Variants in EIF4E2 observed in about 807,000 individuals in gnomAD.
The protein encoded by EIF4E2 is eukaryotic translation initiation factor 4E type 2.
A neutral mutation model predicts 34.2 loss-of-function variants in EIF4E2; 13 were observed. The observed-to-expected ratio is 0.38, with a 90% CI of 0.25 to 0.60. The LOEUF (loss-of-function observed/expected upper bound fraction) is 0.60. EIF4E2 is among the 20% of genes least tolerant of loss of function. EIF4E2 has a pLI of 0.62. For synonymous variants in EIF4E2, 100 were observed against 106.6 expected, an observed-to-expected ratio of 0.94 and a Z score of 0.38; for missense variants, 222 against 315.1, an observed-to-expected ratio of 0.70 and a Z score of 2.24.
intron 6 of EIF4E2, among the ~76,000 whole-genome samples, chr2:232,574,527 C>T (rs1693164188): frequency 6.6e-6 from 1 of 152,182 alleles, no homozygotes; most frequent in African/African-American, 2.4e-5. Flanking sequence ...GAGCAGGCTA[C>T]GTCACCTTAT....
At chr2:232,571,936 C>G (rs146423497), downstream of EIF4E2, among the ~76,000 whole-genome samples, 1 of 152,192 alleles carries the variant, frequency 6.6e-6, no homozygotes, top group Non-Finnish European at 1.5e-5. Context: ...GGCTATGAAC[C>G]TTGCAGCCTT....
intron 3 of EIF4E2, among the ~76,000 whole-genome samples, chr2:232,562,732 A>G (rs1692766022): frequency 6.6e-6 from 1 of 152,208 alleles, no homozygotes; most frequent in Admixed American, 6.5e-5. Flanking sequence ...CTTATTCACA[A>G]TGAGCCACTA....
chr2:232,564,471 A>G (rs1692842677), intron 4 of EIF4E2, 120 bp downstream of exon 4: 3 of 559,880 alleles, frequency 5.4e-6, no homozygotes, highest in Non-Finnish European at 9.0e-6. Context: ...ATTTTATTTG[A>G]GACGGAGTGT....
At chr2:232,580,851 T>G in intron 6 of EIF4E2, 3 of 1,473,632 alleles carry the variant, frequency 2.0e-6, no homozygotes. Context: ...TGTGCTTCTG[T>G]ATAGATGATC....
rs1200091207 is a variant in EIF4E2 at position 232,579,860 on chromosome 2, GGTAAAATTTTCT to G, written c.666-1042_666-1031del. Among the ~76,000 whole-genome samples, 8 of 152,144 alleles carry G rather than the reference GGTAAAATTTTCT, an allele frequency of 5.3e-5. No individual in the cohort carries two copies. The East Asian group carries it at 1.5e-3, about 29-fold the overall frequency. On this transcript the variant is annotated intron_variant, in intron 6 of 6. Transcript: ENST00000409098. ...AGAGAAATAATGACTCCAGAATCCA[GGTAAAATTTTCT>G]GACAAATTGAAGTCCACAGCACTGG...
chr2:232,559,728 G>T (rs1271435012), intron 3 of EIF4E2, among the ~76,000 whole-genome samples: 2 of 151,290 alleles, frequency 1.3e-5, no homozygotes, highest in Non-Finnish European at 2.9e-5. Context: ...AAGATTGTTT[G>T]AGCCCAGGAG....
At chr2:232,551,309 C>T (rs1389034785) in intron 1 of EIF4E2, 4 of 471,180 alleles carry the variant, frequency 8.5e-6, no homozygotes, top group African/African-American at 8.0e-5. Flanking sequence ...CTCCCCTTCC[C>T]GTTCCCGTCT....
downstream of EIF4E2, among the ~76,000 whole-genome samples, chr2:232,572,609 C>T (rs894820474): frequency 3.9e-5 from 6 of 152,124 alleles, no homozygotes; most frequent in African/African-American, 1.2e-4. Flanking sequence ...TCAGGTGTTC[C>T]GCCTGCCTCA....
chr2:232,576,011 C>A (rs1208625383), intron 6 of EIF4E2, among the ~76,000 whole-genome samples: 2 of 152,106 alleles, frequency 1.3e-5, no homozygotes, highest in African/African-American at 4.8e-5. Flanking sequence ...CGAGACCATC[C>A]TGGCCAACAT....
At chr2:232,579,331 C>T (rs1295875137) in intron 6 of EIF4E2, among the ~76,000 whole-genome samples, 1 of 152,204 alleles carries the variant, frequency 6.6e-6, no homozygotes, top group East Asian at 1.9e-4. Context: ...TTTCAACCTT[C>T]AGCTCTTTAG....
At chr2:232,575,423 AG>A (rs1279237343) in intron 6 of EIF4E2, among the ~76,000 whole-genome samples, 3 of 152,238 alleles carry the variant, frequency 2.0e-5, no homozygotes, top group African/African-American at 7.2e-5. Context: ...TTATAAATTC[AG>A]TCTTCTGGTG....
rs1261351638 is a variant in EIF4E2 at position 232,581,890 on chromosome 2, A to T, written c.*947A>T. 6.6e-6 allele frequency: 1 copy of T among 152,248 alleles called. No homozygotes were observed. Among genetic ancestry groups the T allele is most frequent in the African/African-American group, 2.4e-5 (1 of 41,456 alleles). 9.4% of individuals were successfully genotyped at this position (152,248 alleles called of 1,614,324 possible). A position where few individuals can be genotyped will look rare whatever the true frequency, so the allele number is the denominator to read the frequency against. ...TAACACTTAATATGCAAATTCTATC[A>T]TCCTGAAACTGGGGCATCTGAGGAA... On this transcript the variant is annotated 3_prime_UTR_variant, in exon 7 of 7. Transcript: ENST00000409098. The surrounding 1 kb of genome is among the most constrained non-coding windows in gnomAD (Gnocchi z 5.2).
At chr2:232,562,846 A>C (rs377345811) in intron 3 of EIF4E2, among the ~76,000 whole-genome samples, 1 of 152,250 alleles carries the variant, frequency 6.6e-6, no homozygotes, top group African/African-American at 2.4e-5. Flanking sequence ...ACCATTTACT[A>C]TTCCGAGTCA....
chr2:232,568,126 G>A (rs1230987018), intron 6 of EIF4E2: 7 of 985,204 alleles, frequency 7.1e-6, no homozygotes, highest in East Asian at 2.3e-4. Flanking sequence ...ATGCTTTTAC[G>A]GGGCCAAGTA....
At chr2:232,571,231 G>A (rs1559321433), downstream of EIF4E2, among the ~76,000 whole-genome samples, 1 of 152,200 alleles carries the variant, frequency 6.6e-6, no homozygotes, top group Non-Finnish European at 1.5e-5. Context: ...GGCGGGTGAT[G>A]AGCTGCTGTG....
Position 232,581,983 on chromosome 2 carries a change from C to T in EIF4E2, c.*1040C>T, listed in dbSNP as rs1693370014. 6.6e-6 allele frequency: 1 copy of T among 152,260 alleles called. No homozygotes were observed. The highest frequency in any genetic ancestry group is 2.4e-5 in the African/African-American group (1 of 41,452). The allele number at this position is 152,260 out of a possible 1,614,324, so 9.4% of individuals were successfully genotyped here. On this transcript the variant is annotated 3_prime_UTR_variant, in exon 7 of 7. Transcript: ENST00000409098. The surrounding 1 kb of genome is among the most constrained non-coding windows in gnomAD (Gnocchi z 5.2). ...GTCTGCAGTGGTTGAGTCCTCATCA[C>T]CTGGTATGTGTATGAGCAAATGTGT... is the stretch of plus-strand genomic sequence containing the variant.
chr2:232,572,516 C>T (rs1419951700), downstream of EIF4E2, among the ~76,000 whole-genome samples: 2 of 152,080 alleles, frequency 1.3e-5, no homozygotes, highest in Non-Finnish European at 2.9e-5. Flanking sequence ...CAGGTGCCCG[C>T]CACCATGCTT....
chr2:232,564,185 G>C, intron 3 of EIF4E2, 62 bp from the exon 4 acceptor site: 2 of 1,092,804 alleles, frequency 1.8e-6, no homozygotes, highest in Non-Finnish European at 2.7e-6. Context: ...TCTCAACCTT[G>C]GGATGCATTC....
At chr2:232,574,354 C>T (rs1038356640) in intron 6 of EIF4E2, 65 of 1,550,270 alleles carry the variant, frequency 4.2e-5, no homozygotes, top group Non-Finnish European at 5.2e-5. Context: ...AGGGCCTTGT[C>T]TATCTTCTCT....
Sources: gnomAD v4.1 joint callset for allele counts (sites outside exome capture counted in the v4.1 genomes callset) on GRCh38, gnomAD v4.1.1 for gene constraint, Gnocchi (gnomAD v3.1) non-coding constraint, MANE v1.5 for transcripts, NCBI Gene and HGNC (gene_info 2026-07-23, HGNC 2026-07-21) for gene names.